ADGRE1: variants seen among roughly 807,000 people sequenced by gnomAD.
ADGRE1 encodes EGF-like module receptor 1.
Under a neutral mutation model 102.7 loss-of-function variants are expected in ADGRE1, and 82 were observed. The ratio of observed to expected loss-of-function variants is 0.80; its 90% confidence interval spans 0.67 to 0.96. The LOEUF (loss-of-function observed/expected upper bound fraction) is 0.96, where lower values mean the gene tolerates loss of function less well. Among genes scored for constraint, ADGRE1 ranks in the 40% least tolerant of loss-of-function variants. ADGRE1 has a pLI of 0.00. For synonymous variants in ADGRE1, 398 were observed against 399.6 expected (o/e 1.00, Z 0.05); for missense variants, 1,032 against 1,085.3 (o/e 0.95, Z 0.69).
intron 10 of ADGRE1, among the ~76,000 whole-genome samples, chr19:6,911,384 A>ACTTTTTTTTTTTTT (rs1974168471): frequency 2.9e-5 from 1 of 34,768 alleles, no homozygotes; most frequent in Non-Finnish European, 9.7e-5. Flanking sequence ...GATTCCTTTT[A>ACTTTTTTTTTTTTT]GTTTTTTTTT....
chr19:6,904,319 C>T (rs1973872457), intron 8 of ADGRE1, 137 bp downstream of exon 8: 1 of 1,159,662 alleles, frequency 8.6e-7, no homozygotes, highest in African/African-American at 1.6e-5. Flanking sequence ...CTTCTTCATC[C>T]ATTTACTCTT....
At chr19:6,917,466 T>C (rs920549392) in intron 12 of ADGRE1, among the ~76,000 whole-genome samples, 2 of 151,886 alleles carry the variant, frequency 1.3e-5, no homozygotes, top group African/African-American at 4.8e-5. Context: ...TCGCTGGGCG[T>C]GGTGGCTCAC....
intron 17 of ADGRE1, among the ~76,000 whole-genome samples, chr19:6,931,777 G>GC (rs1718473490): frequency 6.7e-6 from 1 of 148,734 alleles, no homozygotes; most frequent in Non-Finnish European, 1.5e-5. Context: ...CAGCCTGGGT[G>GC]ACAGAGGGAG....
intron 18 of ADGRE1, 108 bp downstream of exon 18, chr19:6,935,186 T>G: frequency 1.4e-6 from 1 of 695,256 alleles, no homozygotes; most frequent in Non-Finnish European, 2.2e-6. Flanking sequence ...GAGACAGAGG[T>G]GATGAGGTCT....
intron 13 of ADGRE1, 130 bp from the exon 14 acceptor site, chr19:6,921,583 T>G (rs1974667832): frequency 9.2e-7 from 1 of 1,085,992 alleles, no homozygotes; most frequent in Non-Finnish European, 1.3e-6. Flanking sequence ...ATACCAGCAT[T>G]TTTCCCCATT....
rs1975298863 is a variant in ADGRE1, at chr19:6,934,415, TC to T, written c.2290-571del. On this transcript the variant is annotated intron_variant, in intron 17 of 20. Transcript: ENST00000312053. Reference sequence around the variant, plus strand: ...AATCGTGGGTCAGAATTCTTCTTCTTCTTCTTTTTTTTTTTTTTTTTTTTGA... The same window carrying T: ...AATCGTGGGTCAGAATTCTTCTTCTTTTCTTTTTTTTTTTTTTTTTTTTGA... 1.5e-3 allele frequency among the ~76,000 whole-genome samples: 194 copies of T among 125,628 alleles called. 1 individual carries two copies. The highest frequency in any genetic ancestry group is 5.4e-3 in the African/African-American group (134 of 24,950). 82.4% of individuals were successfully genotyped at this position (125,628 alleles called of 152,430 possible).
intron 2 of ADGRE1, 114 bp downstream of exon 2, chr19:6,890,657 G>A (rs562991665): frequency 3.7e-6 from 4 of 1,071,524 alleles, no homozygotes; most frequent in East Asian, 2.6e-5. Context: ...GCTAGTTAGC[G>A]GCAGAGCAAG....
rs1373591136 is a variant in ADGRE1, at chr19:6,896,445, A to G, written c.142A>G (p.Thr48Ala). 6.2e-7 allele frequency: 1 copy of G among 1,614,148 alleles called. No individual in the cohort carries two copies. Among genetic ancestry groups the G allele is most frequent in the Non-Finnish European group, 8.5e-7 (1 of 1,180,002 alleles). ...STLCPAYATC[T>A]NTVDSYYCAC... is the part of the protein sequence containing the mutation. ...CTTGTGCCCAGCTTATGCCACCTGC[A>G]CCAATACAGTGGACAGTTACTATTG... The change falls in exon 3 of 21, where the codon ACC becomes GCC. Residue 48 changes from threonine to alanine, a missense_variant. Thr to Ala is a moderately conservative substitution (Grantham distance 58, BLOSUM62 0). Coordinates refer to ENST00000312053, the MANE Select transcript of ADGRE1 (RefSeq NM_001974.5).
intron 1 of ADGRE1, among the ~76,000 whole-genome samples, chr19:6,889,000 A>ATGATGATGGTGATGGTGATGATGG (rs1973246813): frequency 6.6e-6 from 1 of 152,048 alleles, no homozygotes; most frequent in East Asian, 1.9e-4. Context: ...GAAAATGGTG[A>ATGATGATGGTGATGGTGATGATGG]TGATGATGGT....
rs1166247560 is a variant in ADGRE1 at position 6,937,610 on chromosome 19, A to G, written c.2617A>G (p.Arg873Gly). The G allele has an allele frequency of 1.9e-6, 3 of 1,614,108 alleles. No individual in the cohort carries two copies. The highest frequency in any genetic ancestry group is 1.1e-5 in the South Asian group (1 of 91,078). ...GCCCAGCTCCCAGTCCCAGACCTCA[A>G]GGATCTTGCTGTCCTCCATGCCATC... ...TKPSSQSQTSRILLSSMPSAS... is the reference protein window; with the variant it reads ...TKPSSQSQTSGILLSSMPSAS... The change falls in exon 20 of 21, where the codon AGG becomes GGG. Residue 873 changes from arginine to glycine, a missense_variant. Physicochemically the swap from Arg to Gly is moderately radical, Grantham distance 125 (BLOSUM62 -2). Transcript: ENST00000312053.
rs1471535033 is a variant in ADGRE1 at position 6,903,871 on chromosome 19, C to T, written c.723C>T (p.Ser241=). The change falls in exon 7 of 21, where the codon AGC becomes AGT. Residue 241 remains serine, a synonymous_variant. Transcript: ENST00000312053. The stretch of plus-strand genomic sequence containing the variant: ...CAACATGCACCAACACTCCTGGGAG[C>T]TACTTTTGCACCTGCCACCCTGGCT... ...INSTCTNTPG[S]YFCTCHPGFA... is the part of the protein sequence containing the mutation. The T allele has an allele frequency of 6.2e-7, 1 of 1,614,180 alleles. No individual in the cohort carries two copies. Among genetic ancestry groups the T allele is most frequent in the South Asian group, 1.1e-5 (1 of 91,090 alleles).
At chr19:6,913,868 G>A in intron 11 of ADGRE1, 38 bp downstream of exon 11, 4 of 1,460,464 alleles carry the variant, frequency 2.7e-6, no homozygotes, top group South Asian at 1.5e-5. Context: ...ACACCTAGGG[G>A]ATGATTTTGA....
intron 6 of ADGRE1, among the ~76,000 whole-genome samples, chr19:6,902,262 G>C (rs1357885109): frequency 6.6e-6 from 1 of 152,074 alleles, no homozygotes; most frequent in Admixed American, 6.6e-5. Flanking sequence ...TGGGGCTTAG[G>C]GCTTCCATAT....
At chr19:6,912,026 TGACACACA>T (rs1199441875) in intron 10 of ADGRE1, among the ~76,000 whole-genome samples, 1 of 151,584 alleles carries the variant, frequency 6.6e-6, no homozygotes, top group Non-Finnish European at 1.5e-5. Context: ...TACACACTCC[TGACACACA>T]TACACACATA....
At chr19:6,899,028 G>A (rs569805654) in intron 5 of ADGRE1, among the ~76,000 whole-genome samples, 14 of 152,198 alleles carry the variant, frequency 9.2e-5, no homozygotes, top group African/African-American at 2.4e-4. Flanking sequence ...AGTGTTGCTC[G>A]CTACTTGCTT....
intron 17 of ADGRE1, among the ~76,000 whole-genome samples, chr19:6,933,838 G>A (rs763340422): frequency 2.0e-5 from 3 of 152,146 alleles, no homozygotes; most frequent in Non-Finnish European, 4.4e-5. Flanking sequence ...TGACCCAAAT[G>A]TCAGTATTGC....
intron 15 of ADGRE1, among the ~76,000 whole-genome samples, chr19:6,925,536 C>A (rs906816887): frequency 1.3e-5 from 2 of 152,164 alleles, no homozygotes; most frequent in African/African-American, 4.8e-5. Context: ...CAGCGTGCTA[C>A]TGCTCTCTGG....
chr19:6,910,403 G>A (rs185618292), intron 10 of ADGRE1, among the ~76,000 whole-genome samples: 3 of 151,942 alleles, frequency 2.0e-5, no homozygotes, highest in Admixed American at 1.3e-4. Context: ...CCAATCGATC[G>A]AATCTATAAA....
rs1599780708 is a variant in ADGRE1 at position 6,939,938 on chromosome 19, C to T, written c.2656-86C>T. 8 of 1,408,096 alleles carry T rather than the reference C, an allele frequency of 5.7e-6. No homozygotes were observed. The East Asian group carries it at 1.6e-4, about 28-fold the overall frequency. The allele number at this position is 1,408,096 out of a possible 1,614,324, so 87.2% of individuals were successfully genotyped here. A position where few individuals can be genotyped will look rare whatever the true frequency, so the allele number is the denominator to read the frequency against. On this transcript the variant is annotated intron_variant, in intron 20 of 20. Transcript: ENST00000312053. ...AGTCTTTGTTACTGTATTTTTAATA[C>T]TTCTGTCCCTGTAGACATGACCCTT...
Sources: gnomAD v4.1 joint callset for allele counts (sites outside exome capture counted in the v4.1 genomes callset) on GRCh38, gnomAD v4.1.1 for gene constraint, MANE v1.5 for transcripts, NCBI Gene and HGNC (gene_info 2026-07-23, HGNC 2026-07-21) for gene names.